The following EEFSEC variants were observed in gnomAD, a reference collection of about 807,000 sequenced individuals.
EEFSEC encodes selenocysteine-specific elongation factor.
A neutral mutation model predicts 42.1 loss-of-function variants in EEFSEC; 43 were observed. That is an observed-to-expected ratio of 1.02 (90% CI 0.80 to 1.32). The LOEUF (loss-of-function observed/expected upper bound fraction) is 1.32. Among genes scored for constraint, EEFSEC ranks in the 40% most tolerant of loss-of-function variants. The probability of loss-of-function intolerance (pLI) is 0.00; values close to 1 mark genes in which losing one functional copy is unlikely to be tolerated. For missense variants in EEFSEC, 745 were observed against 803.6 expected (o/e 0.93, Z 0.88); for synonymous variants, 354 against 339.1 (o/e 1.04, Z -0.48).
intron 4 of EEFSEC, among the ~76,000 whole-genome samples, chr3:128,320,767 C>T (rs112139851): frequency 7.2e-4 from 110 of 152,332 alleles, no homozygotes; most frequent in African/African-American, 2.6e-3. Context: ...GGTAGCCACT[C>T]CACCAGTGTA....
chr3:128,353,250 G>A (rs993941948), intron 5 of EEFSEC, among the ~76,000 whole-genome samples: 8 of 152,190 alleles, frequency 5.3e-5, no homozygotes, highest in Non-Finnish European at 1.2e-4. Context: ...ACTGGAAATT[G>A]AGTATTTGGA....
At chr3:128,300,761 T>C (rs142217182) in intron 4 of EEFSEC, among the ~76,000 whole-genome samples, 1 of 152,096 alleles carries the variant, frequency 6.6e-6, no homozygotes, top group Non-Finnish European at 1.5e-5. Flanking sequence ...ATATGAAAAA[T>C]AAAACTTTCA....
chr3:128,168,267 G>A (rs1233746133), intron 1 of EEFSEC, among the ~76,000 whole-genome samples: 1 of 152,188 alleles, frequency 6.6e-6, no homozygotes, highest in Non-Finnish European at 1.5e-5. Flanking sequence ...CAGCTGTCCA[G>A]TGGGAGGCCA....
intron 1 of EEFSEC, among the ~76,000 whole-genome samples, chr3:128,220,488 A>G (rs1200507719): frequency 1.3e-5 from 2 of 152,160 alleles, no homozygotes; most frequent in Non-Finnish European, 2.9e-5. Flanking sequence ...GACAACAACA[A>G]CATACTCTCA....
At chr3:128,251,118 C>G (rs1195129610) in intron 2 of EEFSEC, among the ~76,000 whole-genome samples, 5 of 151,966 alleles carry the variant, frequency 3.3e-5, no homozygotes, top group Non-Finnish European at 5.9e-5. Context: ...GTCCTCCCCC[C>G]ATCTTTTCTT....
chr3:128,178,546 G>A (rs775840487), intron 1 of EEFSEC, among the ~76,000 whole-genome samples: 5 of 115,930 alleles, frequency 4.3e-5, no homozygotes, highest in Non-Finnish European at 1.0e-4. Flanking sequence ...TCATTCTTTC[G>A]GGGGCAGGCA....
At chr3:128,326,757 T>C (rs887885990) in intron 4 of EEFSEC, among the ~76,000 whole-genome samples, 1 of 152,222 alleles carries the variant, frequency 6.6e-6, no homozygotes, top group Non-Finnish European at 1.5e-5. Context: ...GTCTTTTTAT[T>C]CTTAAATAGT....
chr3:128,227,970 C>CT (rs2065924333), intron 1 of EEFSEC, among the ~76,000 whole-genome samples: 1 of 152,170 alleles, frequency 6.6e-6, no homozygotes, highest in Non-Finnish European at 1.5e-5. Flanking sequence ...CTTTTCTCCC[C>CT]TTTTTTCTGT....
intron 1 of EEFSEC, among the ~76,000 whole-genome samples, chr3:128,207,604 C>CACACAT (rs60361142): frequency 2.7e-5 from 4 of 150,020 alleles, no homozygotes; most frequent in African/African-American, 9.8e-5. Flanking sequence ...CACACACACA[C>CACACAT]GCTTAACAAG....
At chr3:128,414,595 A>G in the EEFSEC span, among the ~76,000 whole-genome samples, 1 of 152,156 alleles carries the variant, frequency 6.6e-6, no homozygotes, top group African/African-American at 2.4e-5. Flanking sequence ...CAAGCCAGTT[A>G]CCCACACTGT....
chr3:128,193,337 T>C (rs529832781), intron 1 of EEFSEC, among the ~76,000 whole-genome samples: 10 of 152,256 alleles, frequency 6.6e-5, no homozygotes, highest in African/African-American at 2.2e-4. Flanking sequence ...GGGCTCACCA[T>C]TGTTTTCCAG....
At chr3:128,156,354 AG>A (rs1326659620) in intron 1 of EEFSEC, among the ~76,000 whole-genome samples, 2 of 152,204 alleles carry the variant, frequency 1.3e-5, no homozygotes, top group African/African-American at 4.8e-5. Flanking sequence ...GCAGGTAGTT[AG>A]TGAAACAGTC....
intron 1 of EEFSEC, among the ~76,000 whole-genome samples, chr3:128,179,608 C>G (rs954384118): frequency 1.3e-5 from 2 of 152,234 alleles, no homozygotes; most frequent in African/African-American, 4.8e-5. Flanking sequence ...GAAGGCTGCT[C>G]AGACTTTAGT....
intron 1 of EEFSEC, among the ~76,000 whole-genome samples, chr3:128,176,281 C>T (rs899564568): frequency 2.0e-5 from 3 of 151,556 alleles, no homozygotes; most frequent in Non-Finnish European, 2.9e-5. Context: ...GGTGATAATC[C>T]GATTGGAGAG....
At chr3:128,312,387 G>T (rs1040128808) in intron 4 of EEFSEC, among the ~76,000 whole-genome samples, 2 of 152,196 alleles carry the variant, frequency 1.3e-5, no homozygotes, top group African/African-American at 4.8e-5. Flanking sequence ...CTGGAGTTTT[G>T]GTCCTGTCCA....
chr3:128,275,752 G>A (rs933236564), intron 4 of EEFSEC, among the ~76,000 whole-genome samples: 2 of 152,248 alleles, frequency 1.3e-5, no homozygotes, highest in African/African-American at 2.4e-5. Flanking sequence ...AGGCGAGAGA[G>A]TGTCTGGCAT....
chr3:128,393,114 A>T (rs1003834672), intron 6 of EEFSEC, among the ~76,000 whole-genome samples: 2 of 152,226 alleles, frequency 1.3e-5, no homozygotes, highest in Middle Eastern at 3.2e-3. Context: ...TTGTTTAAAA[A>T]ACAAAGAAGA....
intron 4 of EEFSEC, among the ~76,000 whole-genome samples, chr3:128,306,743 G>A (rs999251900): frequency 1.3e-5 from 2 of 152,168 alleles, no homozygotes; most frequent in Admixed American, 1.3e-4. Flanking sequence ...TTTAATTCAC[G>A]TAAAGCTATC....
chr3:128,195,945 G>C (rs1027207230), intron 1 of EEFSEC, among the ~76,000 whole-genome samples: 1 of 152,248 alleles, frequency 6.6e-6, no homozygotes, highest in Non-Finnish European at 1.5e-5. Flanking sequence ...AGAAGCAACC[G>C]TGGCCTGGCT....
Sources: gnomAD v4.1 joint callset for allele counts (sites outside exome capture counted in the v4.1 genomes callset) on GRCh38, gnomAD v4.1.1 for gene constraint, MANE v1.5 for transcripts, NCBI Gene and HGNC (gene_info 2026-07-23, HGNC 2026-07-21) for gene names.